MGAT4C: variants seen among roughly 807,000 people sequenced by gnomAD.
The protein encoded by MGAT4C is MGAT4 family member C, also known as alpha-1,3-mannosyl-glycoprotein 4-beta-N-acetylglucosaminyltransferase C.
Under a neutral mutation model 40.1 loss-of-function variants are expected in MGAT4C, and 19 were observed. That is an observed-to-expected ratio of 0.47 (90% CI 0.33 to 0.70). The LOEUF is 0.70. MGAT4C is among the 30% of genes least tolerant of loss of function. The probability of loss-of-function intolerance (pLI) is 0.02; values close to 1 mark genes in which losing one functional copy is unlikely to be tolerated. For synonymous variants in MGAT4C, 181 were observed against 187.1 expected (o/e 0.97, Z 0.27); for missense variants, 491 against 563.2 (o/e 0.87, Z 1.30).
At chr12:86,116,303 T>C (rs1878411303) in intron 1 of MGAT4C, among the ~76,000 whole-genome samples, 2 of 151,866 alleles carry the variant, frequency 1.3e-5, no homozygotes, top group South Asian at 4.2e-4. Context: ...AACAATAAAG[T>C]ATAGGCGAAA....
chr12:86,008,394 A>G (rs1888112131), intron 2 of MGAT4C, among the ~76,000 whole-genome samples: 1 of 151,988 alleles, frequency 6.6e-6, no homozygotes. Flanking sequence ...TATTATTAAT[A>G]ATTTTATCTT....
intron 3 of MGAT4C, among the ~76,000 whole-genome samples, chr12:86,394,511 T>A (rs1200209678): frequency 6.9e-6 from 1 of 145,588 alleles, no homozygotes; most frequent in Non-Finnish European, 1.5e-5. Flanking sequence ...ATTTTTTAAA[T>A]ATTTATATAT....
intron 1 of MGAT4C, among the ~76,000 whole-genome samples, chr12:86,097,081 C>A (rs1206877764): frequency 6.6e-6 from 1 of 151,566 alleles, no homozygotes; most frequent in Non-Finnish European, 1.5e-5. Context: ...AGCTTTCTTT[C>A]AAGTTCGAGT....
chr12:86,018,187 A>G (rs1424931334), intron 2 of MGAT4C, among the ~76,000 whole-genome samples: 1 of 152,162 alleles, frequency 6.6e-6, no homozygotes, highest in Non-Finnish European at 1.5e-5. Context: ...GGCCCTAAGT[A>G]GAGGTGGGAA....
intron 1 of MGAT4C, among the ~76,000 whole-genome samples, chr12:86,206,813 T>C (rs1950274402): frequency 6.6e-6 from 1 of 152,202 alleles, no homozygotes. Flanking sequence ...ATATTCATAC[T>C]CAGCCTCTGG....
At chr12:86,400,185 G>T (rs192368482) in intron 3 of MGAT4C, among the ~76,000 whole-genome samples, 42 of 152,306 alleles carry the variant, frequency 2.8e-4, no homozygotes, top group African/African-American at 1.0e-3. Flanking sequence ...GGTCACAGAA[G>T]TCTTCTATAT....
At chr12:86,511,046 C>T (rs1190176698) in intron 2 of MGAT4C, among the ~76,000 whole-genome samples, 1 of 152,120 alleles carries the variant, frequency 6.6e-6, no homozygotes, top group Non-Finnish European at 1.5e-5. Context: ...ACATTTTTTT[C>T]AGCACCACAC....
At chr12:86,017,013 C>T (rs1380680731) in intron 2 of MGAT4C, among the ~76,000 whole-genome samples, 1 of 152,050 alleles carries the variant, frequency 6.6e-6, no homozygotes, top group Non-Finnish European at 1.5e-5. Context: ...TGAACTCATA[C>T]CATTGAGTTC....
chr12:86,328,799 G>T (rs1176120779), intron 4 of MGAT4C, among the ~76,000 whole-genome samples: 1 of 151,974 alleles, frequency 6.6e-6, no homozygotes, highest in Non-Finnish European at 1.5e-5. Context: ...CAACTCATAA[G>T]CTGACTTTAA....
chr12:86,393,758 T>C (rs970229527), intron 3 of MGAT4C, among the ~76,000 whole-genome samples: 3 of 147,484 alleles, frequency 2.0e-5, no homozygotes, highest in Non-Finnish European at 3.0e-5. Context: ...GTATGGAGAA[T>C]GATGTCTTTC....
intron 4 of MGAT4C, among the ~76,000 whole-genome samples, chr12:86,312,247 TC>T (rs1474782414): frequency 1.3e-5 from 2 of 152,166 alleles, no homozygotes; most frequent in South Asian, 2.1e-4. Flanking sequence ...AAATAAATGG[TC>T]CAGCAAAACC....
Position 86,374,982 on chromosome 12 carries a change from G to T in MGAT4C, c.-119-40855C>A, listed in dbSNP as rs140654521. Among the ~76,000 whole-genome samples, 158 of 152,116 alleles carry T rather than the reference G, an allele frequency of 1.0e-3. 1 individual carries two copies. Among genetic ancestry groups the T allele is most frequent in the African/African-American group, 3.7e-3 (155 of 41,514 alleles). On this transcript the variant is annotated intron_variant, in intron 3 of 7. Transcript: ENST00000548651. Reference sequence around the variant, plus strand: ...GGAGGAAATGATCATATTTTTTCATGCTAGGAATGGTAATCCACTTCTTTT... The same window carrying T: ...GGAGGAAATGATCATATTTTTTCATTCTAGGAATGGTAATCCACTTCTTTT...
intron 1 of MGAT4C, among the ~76,000 whole-genome samples, chr12:86,220,747 A>G (rs1566168850): frequency 6.6e-6 from 1 of 152,196 alleles, no homozygotes; most frequent in African/African-American, 2.4e-5. Context: ...TTCTGACAGT[A>G]GCATTATCAC....
intron 1 of MGAT4C, among the ~76,000 whole-genome samples, chr12:86,797,840 A>G (rs1408834722): frequency 6.6e-6 from 1 of 152,010 alleles, no homozygotes; most frequent in East Asian, 1.9e-4. Flanking sequence ...TACTGACACT[A>G]TACCAGCATC....
intron 1 of MGAT4C, among the ~76,000 whole-genome samples, chr12:86,229,983 C>T (rs1320668346): frequency 6.6e-6 from 1 of 151,918 alleles, no homozygotes; most frequent in Non-Finnish European, 1.5e-5. Flanking sequence ...TTGCAAATTC[C>T]CATGGAAAGA....
intron 2 of MGAT4C, among the ~76,000 whole-genome samples, chr12:86,583,374 T>C (rs1960873471): frequency 1.3e-5 from 2 of 151,270 alleles, no homozygotes; most frequent in Admixed American, 1.3e-4. Context: ...TTTCTCAAAA[T>C]AACAAAAGTA....
chr12:86,234,228 T>C (rs1951440798), intron 1 of MGAT4C, among the ~76,000 whole-genome samples: 2 of 152,146 alleles, frequency 1.3e-5, no homozygotes, highest in South Asian at 2.1e-4. Flanking sequence ...GATATTTAAA[T>C]TGAATTATTT....
chr12:86,486,995 T>C (rs1958030888), intron 2 of MGAT4C, among the ~76,000 whole-genome samples: 1 of 152,178 alleles, frequency 6.6e-6, no homozygotes. Flanking sequence ...GAAAGACTGA[T>C]ATCAATTGAA....
intron 2 of MGAT4C, among the ~76,000 whole-genome samples, chr12:86,492,517 A>T (rs1388132602): frequency 6.6e-6 from 1 of 152,206 alleles, no homozygotes; most frequent in Non-Finnish European, 1.5e-5. Context: ...CTGATCTTTG[A>T]CAAACCTGAG....
Sources: gnomAD v4.1 joint callset for allele counts (sites outside exome capture counted in the v4.1 genomes callset) on GRCh38, gnomAD v4.1.1 for gene constraint, MANE v1.5 for transcripts, NCBI Gene and HGNC (gene_info 2026-07-23, HGNC 2026-07-21) for gene names.